Variants in XKR4 observed in about 807,000 individuals in gnomAD.
XKR4 encodes the protein XK related 4, also known as XK-related protein 4.
XKR4 carries 12 observed loss-of-function variants against 53.9 expected under a neutral mutation model. That is an observed-to-expected ratio of 0.22 (90% confidence interval 0.14 to 0.36). The LOEUF (loss-of-function observed/expected upper bound fraction) is 0.36. Among genes scored for constraint, XKR4 ranks in the 10% least tolerant of loss-of-function variants. The pLI, the probability that XKR4 is intolerant of heterozygous loss-of-function variation, is 1.00. For missense variants in XKR4, 799 were observed against 859.5 expected, an observed-to-expected ratio of 0.93 and a Z score of 0.88; for synonymous variants, 354 against 362.4, an observed-to-expected ratio of 0.98 and a Z score of 0.26.
chr8:55,519,906 C>T (rs959446425), intron 2 of XKR4, among the ~76,000 whole-genome samples: 2 of 152,140 alleles, frequency 1.3e-5, no homozygotes, highest in Non-Finnish European at 2.9e-5. Context: ...ACAATTAGGG[C>T]AAATGAAATA....
At chr8:55,320,205 CA>C (rs1264764792) in intron 1 of XKR4, among the ~76,000 whole-genome samples, 1 of 152,182 alleles carries the variant, frequency 6.6e-6, no homozygotes, top group Non-Finnish European at 1.5e-5. Context: ...CAGTGCAAAA[CA>C]ACAGAGCTGA....
At chr8:55,129,572 T>C (rs1309637693) in intron 1 of XKR4, among the ~76,000 whole-genome samples, 1 of 152,166 alleles carries the variant, frequency 6.6e-6, no homozygotes, top group Non-Finnish European at 1.5e-5. Flanking sequence ...TGAAGTGTGG[T>C]GGCAGAGGCC....
At chr8:55,362,993 T>A (rs1296704652) in intron 2 of XKR4, among the ~76,000 whole-genome samples, 1 of 152,212 alleles carries the variant, frequency 6.6e-6, no homozygotes, top group African/African-American at 2.4e-5. Context: ...GGGGAAACAT[T>A]GTGCGGAAAT....
chr8:55,235,146 G>C (rs913115263), intron 1 of XKR4, among the ~76,000 whole-genome samples: 1 of 152,164 alleles, frequency 6.6e-6, no homozygotes, highest in Non-Finnish European at 1.5e-5. Context: ...TGGCAGTCCT[G>C]GTGCTCGTTG....
intron 1 of XKR4, among the ~76,000 whole-genome samples, chr8:55,240,628 G>A (rs1227554820): frequency 6.6e-6 from 1 of 152,084 alleles, no homozygotes; most frequent in African/African-American, 2.4e-5. Flanking sequence ...TCCCCACAAG[G>A]AGCATGAGCC....
intron 1 of XKR4, among the ~76,000 whole-genome samples, chr8:55,322,226 C>A (rs1321366794): frequency 6.6e-6 from 1 of 152,150 alleles, no homozygotes; most frequent in Non-Finnish European, 1.5e-5. Flanking sequence ...TGCAAGTAGT[C>A]TTTCTTAACT....
intron 2 of XKR4, among the ~76,000 whole-genome samples, chr8:55,505,989 T>A (rs1008607521): frequency 6.6e-6 from 1 of 152,258 alleles, no homozygotes; most frequent in African/African-American, 2.4e-5. Flanking sequence ...CTGTCATATG[T>A]GGTCATACAG....
intron 1 of XKR4, among the ~76,000 whole-genome samples, chr8:55,348,857 T>C (rs1803689272): frequency 1.3e-5 from 2 of 151,714 alleles, no homozygotes; most frequent in South Asian, 4.2e-4. Context: ...GATAGAGAGA[T>C]AGAGATGGAT....
intron 1 of XKR4, chr8:55,161,482 G>T (rs1469799140): frequency 1.8e-5 from 8 of 454,088 alleles, no homozygotes. Context: ...GGCAGTGATG[G>T]GTCCTTTATA....
chr8:55,532,820 A>AG lies in XKR4; in HGVS notation c.*8594dup, dbSNP rs397968110. 1.4e-5 allele frequency: 2 copies of AG among 142,136 alleles called. No individual in the cohort carries two copies. The highest frequency in any genetic ancestry group is 3.1e-5 in the Non-Finnish European group (2 of 64,884). 8.8% of individuals were successfully genotyped at this position (142,136 alleles called of 1,614,324 possible). ...TCAAAAAAAAAAAAAAAAAAAAAAA[A>AG]GAATTTCAGAAAATATAAAGTTTTA... On this transcript the variant is annotated 3_prime_UTR_variant, in exon 3 of 3. Coordinates refer to ENST00000327381, the MANE Select transcript of XKR4 (RefSeq NM_052898.2).
chr8:55,138,286 C>T (rs1439534358), intron 1 of XKR4, among the ~76,000 whole-genome samples: 2 of 152,074 alleles, frequency 1.3e-5, no homozygotes, highest in Non-Finnish European at 2.9e-5. Context: ...CAATGGAGGC[C>T]ACAAGGCTTT....
chr8:55,289,744 AAAG>A (rs1818985400), intron 1 of XKR4, among the ~76,000 whole-genome samples: 1 of 139,742 alleles, frequency 7.2e-6, no homozygotes, highest in Non-Finnish European at 1.5e-5. Context: ...AAAGAAAGAA[AAAG>A]AAAGAAAGAA....
chr8:55,478,715 C>T (rs951148457), intron 2 of XKR4, among the ~76,000 whole-genome samples: 11 of 151,976 alleles, frequency 7.2e-5, no homozygotes, highest in African/African-American at 2.4e-4. Context: ...ATCTACCAAG[C>T]AAATGGAAAA....
intron 1 of XKR4, chr8:55,135,305 A>G (rs1816610060): frequency 5.4e-6 from 1 of 185,360 alleles, no homozygotes; most frequent in South Asian, 1.2e-4. Context: ...ATCAATTGTG[A>G]TGCACAGTTT....
chr8:55,461,471 T>C (rs1805656411), intron 2 of XKR4, among the ~76,000 whole-genome samples: 1 of 152,076 alleles, frequency 6.6e-6, no homozygotes, highest in Admixed American at 6.5e-5. Flanking sequence ...AAAACCCAAC[T>C]GTACATCACT....
chr8:55,516,195 A>C (rs544742266), intron 2 of XKR4, among the ~76,000 whole-genome samples: 11 of 152,216 alleles, frequency 7.2e-5, no homozygotes, highest in Non-Finnish European at 1.2e-4. Context: ...TAATTTGTCT[A>C]TGATTATGAG....
At position 55,425,631 on chromosome 8, in the gene XKR4, A is replaced by G. The variant is rs147950287; in HGVS notation, c.1006+67754A>G. On this transcript the variant is annotated intron_variant, in intron 2 of 2. Coordinates refer to ENST00000327381, the MANE Select transcript of XKR4 (RefSeq NM_052898.2). ...CTCCCCTGTATCTTCTATCTGTTGG[A>G]GTTAGCCCCTCCGTTACCCACGTGA... Among the ~76,000 whole-genome samples, 26 of 152,160 alleles carry G rather than the reference A, an allele frequency of 1.7e-4. No individual in the cohort carries two copies. The East Asian group carries it at 5.0e-3, about 29-fold the overall frequency.
chr8:55,341,252 G>C (rs543034538), intron 1 of XKR4, among the ~76,000 whole-genome samples: 1 of 152,190 alleles, frequency 6.6e-6, no homozygotes, highest in South Asian at 2.1e-4. Context: ...AAGCCCACTG[G>C]GACTCCTCTG....
chr8:55,126,645 T>C (rs1282427385), intron 1 of XKR4, among the ~76,000 whole-genome samples: 1 of 152,170 alleles, frequency 6.6e-6, no homozygotes, highest in Non-Finnish European at 1.5e-5. Flanking sequence ...AGAAGTTCCA[T>C]AAAAAGTTCC....
Sources: gnomAD v4.1 joint callset for allele counts (sites outside exome capture counted in the v4.1 genomes callset) on GRCh38, gnomAD v4.1.1 for gene constraint, MANE v1.5 for transcripts, NCBI Gene and HGNC (gene_info 2026-07-23, HGNC 2026-07-21) for gene names.